The following DNALI1 variants were observed in gnomAD, a reference collection of about 807,000 sequenced individuals.
DNALI1 encodes axonemal dynein light intermediate polypeptide 1.
A neutral mutation model predicts 33.9 loss-of-function variants in DNALI1; 31 were observed. The observed-to-expected ratio is 0.91, with a 90% CI of 0.69 to 1.23. The LOEUF (loss-of-function observed/expected upper bound fraction) is 1.23. Ranked by LOEUF, DNALI1 falls within the 50% of genes most tolerant of loss-of-function variation. The pLI, the probability that DNALI1 is intolerant of heterozygous loss-of-function variation, is 0.00. For synonymous variants in DNALI1, 117 were observed against 129.2 expected (o/e 0.91, Z 0.64); for missense variants, 305 against 323.8 (o/e 0.94, Z 0.44).
In DNALI1 at chr1:37,566,356, C is replaced by CTCT. The variant is rs1643500525; in HGVS notation, c.*1296_*1298dup. ...TCCACGAGATCTGCTAGTTCCAGGC[C>CTCT]TCTAAGACAGGAACGTATGTGCCAT... On this transcript the variant is annotated 3_prime_UTR_variant, in exon 6 of 6. Coordinates refer to ENST00000652629, the MANE Select transcript of DNALI1 (RefSeq NM_003462.5). 1 of 152,836 alleles carries CTCT rather than the reference C, an allele frequency of 6.5e-6. No individual in the cohort carries two copies. The highest frequency in any genetic ancestry group is 2.1e-4 in the South Asian group (1 of 4,842). 9.5% of individuals were successfully genotyped at this position (152,836 alleles called of 1,614,324 possible).
chr1:37,564,691 A>G (rs1643479708), intron 5 of DNALI1, among the ~76,000 whole-genome samples: 1 of 152,142 alleles, frequency 6.6e-6, no homozygotes, highest in African/African-American at 2.4e-5. Context: ...AGAGAGCCAA[A>G]TGTTTAACTT....
chr1:37,557,514 G>T, intron 1 of DNALI1, 89 bp from the exon 2 acceptor site: 2 of 1,505,584 alleles, frequency 1.3e-6, no homozygotes, highest in Non-Finnish European at 1.8e-6. Context: ...GGAGGGCTGT[G>T]CAGAAGACCT....
In DNALI1 at chr1:37,562,344, G is replaced by A; in HGVS notation, c.741+99G>A. On this transcript the variant is annotated intron_variant, in intron 5 of 5. Transcript: ENST00000652629. This position sits in a 1 kb window ranked among gnomAD's most constrained non-coding sequence, Gnocchi z 5.8. The stretch of plus-strand genomic sequence containing the variant: ...CCTTTTCCATGGCTTTTAAATGTTT[G>A]TCCACATGCACTGCCAAAGGATAAA... 1.4e-6 allele frequency: 2 copies of A among 1,450,678 alleles called. No homozygotes were observed. Among genetic ancestry groups the A allele is most frequent in the Non-Finnish European group, 1.8e-6 (2 of 1,081,466 alleles). The allele number at this position is 1,450,678 out of a possible 1,614,324, so 89.9% of individuals were successfully genotyped here.
intron 5 of DNALI1, among the ~76,000 whole-genome samples, chr1:37,564,306 T>G (rs1009274111): frequency 6.6e-6 from 1 of 150,788 alleles, no homozygotes. Flanking sequence ...TGTGCCAAGT[T>G]GTCTCAGTGG....
chr1:37,564,582 C>T (rs1337920241), intron 5 of DNALI1, among the ~76,000 whole-genome samples: 3 of 152,042 alleles, frequency 2.0e-5, no homozygotes, highest in Non-Finnish European at 2.9e-5. Flanking sequence ...GGGGTTTCAC[C>T]GTGTTATCCA....
chr1:37,562,295 G>T lies in DNALI1; in HGVS notation c.741+50G>T. On this transcript the variant is annotated intron_variant, in intron 5 of 5. Coordinates refer to ENST00000652629, the MANE Select transcript of DNALI1 (RefSeq NM_003462.5). The surrounding 1 kb of genome is among the most constrained non-coding windows in gnomAD (Gnocchi z 5.8). ...GAGGTGCCCCCTGCCCTGCGACCCA[G>T]CCCCACAGGCCAGGCATTCGGTTCC... 6.3e-7 allele frequency: 1 copy of T among 1,575,498 alleles called. No individual in the cohort carries two copies. The highest frequency in any genetic ancestry group is 8.6e-7 in the Non-Finnish European group (1 of 1,160,778).
rs1643507035 is a variant in DNALI1, at chr1:37,566,726, T to G, written c.*1665T>G. 2 of 817,950 alleles carry G rather than the reference T, an allele frequency of 2.4e-6. No individual in the cohort carries two copies. The highest frequency in any genetic ancestry group is 4.6e-5 in the Admixed American group (2 of 43,910). 50.7% of individuals were successfully genotyped at this position (817,950 alleles called of 1,614,324 possible). A position where few individuals can be genotyped will look rare whatever the true frequency, so the allele number is the denominator to read the frequency against. ...TGAGGAGGCTTTATTTCCCTAGCACTGGTGAAGGGCTTCAACTGTCAAACC... is the reference window on the plus strand; with the variant it reads ...TGAGGAGGCTTTATTTCCCTAGCACGGGTGAAGGGCTTCAACTGTCAAACC... On this transcript the variant is annotated 3_prime_UTR_variant, in exon 6 of 6. Transcript: ENST00000652629.
chr1:37,560,308 A>G (rs545355960), intron 3 of DNALI1, among the ~76,000 whole-genome samples: 1 of 152,322 alleles, frequency 6.6e-6, no homozygotes, highest in East Asian at 1.9e-4. Flanking sequence ...ATTTCAGGCT[A>G]TCACGTGGGG....
At chr1:37,557,497 G>A in intron 1 of DNALI1, 106 bp from the exon 2 acceptor site, 2 of 1,451,998 alleles carry the variant, frequency 1.4e-6, no homozygotes, top group Non-Finnish European at 1.8e-6. Context: ...AGTAGGCTAG[G>A]AAGAGGGGAG....
At chr1:37,563,708 C>T (rs1643466312) in intron 5 of DNALI1, among the ~76,000 whole-genome samples, 1 of 152,006 alleles carries the variant, frequency 6.6e-6, no homozygotes, top group South Asian at 2.1e-4. Flanking sequence ...CCAGGCTGGT[C>T]ATGAACTCCT....
chr1:37,560,319 A>G (rs1341716376), intron 3 of DNALI1, among the ~76,000 whole-genome samples: 3 of 152,170 alleles, frequency 2.0e-5, no homozygotes, highest in Non-Finnish European at 2.9e-5. Context: ...TCACGTGGGG[A>G]GAAACCTTGG....
At position 37,566,494 on chromosome 1, in the gene DNALI1, G is replaced by A. The variant is rs1270063932; in HGVS notation, c.*1433G>A. 2.7e-5 allele frequency: 5 copies of A among 186,192 alleles called. No individual in the cohort carries two copies. Among genetic ancestry groups the A allele is most frequent in the Admixed American group, 1.7e-4 (3 of 17,266 alleles). The allele number at this position is 186,192 out of a possible 1,614,324, so 11.5% of individuals were successfully genotyped here. ...CAAAGGCCAGGCCATGTACACTAAC[G>A]TCCTTGAAATTTGCAGTTCTGTATG... On this transcript the variant is annotated 3_prime_UTR_variant, in exon 6 of 6. Coordinates refer to ENST00000652629, the MANE Select transcript of DNALI1 (RefSeq NM_003462.5).
chr1:37,564,899 C>A, intron 5 of DNALI1, 127 bp from the exon 6 acceptor site: 1 of 954,430 alleles, frequency 1.0e-6, no homozygotes, highest in Non-Finnish European at 1.7e-6. Flanking sequence ...ATTTGGGGAT[C>A]AAGGGGAAAA....
In DNALI1 at chr1:37,566,768, A is replaced by C; in HGVS notation, c.*1707A>C. The C allele has an allele frequency of 8.2e-7, 1 of 1,225,388 alleles. No homozygotes were observed. The highest frequency in any genetic ancestry group is 1.2e-6 in the Non-Finnish European group (1 of 846,684). The allele number at this position is 1,225,388 out of a possible 1,614,324, so 75.9% of individuals were successfully genotyped here. On this transcript the variant is annotated 3_prime_UTR_variant, in exon 6 of 6. Transcript: ENST00000652629. ...TGTCAAACCTCAGAACAAATGCATTAGGGCCTTAGAAATGTCAATGGGGCA... is the reference window on the plus strand; with the variant it reads ...TGTCAAACCTCAGAACAAATGCATTCGGGCCTTAGAAATGTCAATGGGGCA...
rs1643507795 is a variant in DNALI1 at position 37,566,800 on chromosome 1, AAACAC to A, written c.*1742_*1746del. Reference sequence around the variant, plus strand: ...TAGAAATGTCAATGGGGCAGGAAGAAAACACAATTTCTAACTGCCTGTTTTTGTAT... The same window carrying A: ...TAGAAATGTCAATGGGGCAGGAAGAAAATTTCTAACTGCCTGTTTTTGTAT... On this transcript the variant is annotated 3_prime_UTR_variant, in exon 6 of 6. Transcript: ENST00000652629. The A allele has an allele frequency of 1.3e-6, 2 of 1,544,744 alleles. No individual in the cohort carries two copies. The highest frequency in any genetic ancestry group is 1.8e-6 in the Non-Finnish European group (2 of 1,122,262).
intron 5 of DNALI1, among the ~76,000 whole-genome samples, chr1:37,563,231 G>C (rs1557633729): frequency 6.6e-6 from 1 of 152,160 alleles, no homozygotes; most frequent in Non-Finnish European, 1.5e-5. Context: ...GATAAAGAAG[G>C]CTTTCTGTTA....
Position 37,561,229 on chromosome 1 carries a change from C to G in DNALI1, c.398-328C>G. ...TTAAACAGAAAAAGTCAGGTTTTTTCGAGTAGTAACCAGTTTTTACCTAAG... is the reference window on the plus strand; with the variant it reads ...TTAAACAGAAAAAGTCAGGTTTTTTGGAGTAGTAACCAGTTTTTACCTAAG... On this transcript the variant is annotated intron_variant, in intron 3 of 5. Transcript: ENST00000652629. The surrounding 1 kb of genome is among the most constrained non-coding windows in gnomAD (Gnocchi z 4.6). 3.8e-6 allele frequency: 1 copy of G among 263,462 alleles called. No homozygotes were observed. Among genetic ancestry groups the G allele is most frequent in the Non-Finnish European group, 7.3e-6 (1 of 136,364 alleles). 16.3% of individuals were successfully genotyped at this position (263,462 alleles called of 1,614,324 possible).
At position 37,557,761 on chromosome 1, in the gene DNALI1, G is replaced by T; in HGVS notation, c.227+13G>T. 6.2e-7 allele frequency: 1 copy of T among 1,613,436 alleles called. No homozygotes were observed. Among genetic ancestry groups the T allele is most frequent in the Non-Finnish European group, 8.5e-7 (1 of 1,179,722 alleles). On this transcript the variant is annotated intron_variant, in intron 2 of 5. Transcript: ENST00000652629. ...TACTACCCCCAAGGTAAGAAAGTAG[G>T]AGCAGTGGCTGGGAGAAGGCCTAAG...
Position 37,566,690 on chromosome 1 carries a change from A to G in DNALI1, c.*1629A>G, listed in dbSNP as rs796334853. 1.1e-5 allele frequency: 7 copies of G among 636,596 alleles called. No individual in the cohort carries two copies. Among genetic ancestry groups the G allele is most frequent in the South Asian group, 1.0e-4 (5 of 48,906 alleles). 39.4% of individuals were successfully genotyped at this position (636,596 alleles called of 1,614,324 possible). On this transcript the variant is annotated 3_prime_UTR_variant, in exon 6 of 6. Transcript: ENST00000652629. ...AGACTTTCAGACTCTTATCACTGAA[A>G]TCCTTAAGGTTGAGGAGGCTTTATT...
Sources: gnomAD v4.1 joint callset for allele counts (sites outside exome capture counted in the v4.1 genomes callset) on GRCh38, gnomAD v4.1.1 for gene constraint, Gnocchi (gnomAD v3.1) non-coding constraint, MANE v1.5 for transcripts, NCBI Gene and HGNC (gene_info 2026-07-23, HGNC 2026-07-21) for gene names.